Variants in CCNI observed in about 807,000 individuals in gnomAD.
The protein encoded by CCNI is cyclin-I.
Under a neutral mutation model 34.1 loss-of-function variants are expected in CCNI, and 14 were observed. The observed-to-expected ratio is 0.41, with a 90% CI of 0.27 to 0.64. The LOEUF (loss-of-function observed/expected upper bound fraction) is 0.64. Ranked by LOEUF, CCNI falls within the 30% of genes least tolerant of loss-of-function variation. The probability of loss-of-function intolerance (pLI) is 0.31; values close to 1 mark genes in which losing one functional copy is unlikely to be tolerated. For missense variants in CCNI, 385 were observed against 440.5 expected (o/e 0.87, Z 1.13); for synonymous variants, 154 against 158.4 (o/e 0.97, Z 0.21).
intron 1 of CCNI, among the ~76,000 whole-genome samples, chr4:77,068,664 G>A (rs1038253860): frequency 7.3e-5 from 11 of 151,626 alleles, no homozygotes; most frequent in African/African-American, 2.4e-4. Context: ...CTATGTATCT[G>A]TATTACACAC....
chr4:77,071,980 T>C (rs138609193), intron 1 of CCNI, among the ~76,000 whole-genome samples: 2 of 152,294 alleles, frequency 1.3e-5, no homozygotes, highest in African/African-American at 2.4e-5. Flanking sequence ...GAAAAACTAA[T>C]AGCAATCTTT....
In CCNI at chr4:77,047,658, G is replaced by T. The variant is rs1195540574; in HGVS notation, c.*561C>A. 2 of 152,108 alleles carry T rather than the reference G, an allele frequency of 1.3e-5. No individual in the cohort carries two copies. The highest frequency in any genetic ancestry group is 4.8e-5 in the African/African-American group (2 of 41,420). The allele number at this position is 152,108 out of a possible 1,614,324, so 9.4% of individuals were successfully genotyped here. On this transcript the variant is annotated 3_prime_UTR_variant, in exon 7 of 7. Coordinates refer to ENST00000237654, the MANE Select transcript of CCNI (RefSeq NM_006835.3). ...ACACAAAATCAACCTGGTAATATGA[G>T]AACTTTTTCTTTTGCCATCTCTGAT...
At chr4:77,058,684 C>G in intron 2 of CCNI, 49 bp from the exon 3 acceptor site, 1 of 1,543,956 alleles carries the variant, frequency 6.5e-7, no homozygotes, top group Non-Finnish European at 8.9e-7. Context: ...GAGCTATCAT[C>G]AAGAGTATGT....
At chr4:77,074,195 A>G (rs1729719564) in intron 1 of CCNI, among the ~76,000 whole-genome samples, 1 of 152,210 alleles carries the variant, frequency 6.6e-6, no homozygotes, top group Admixed American at 6.5e-5. Context: ...AGGATGTCAC[A>G]TTACCACATA....
At chr4:77,061,637 C>T (rs2059795195) in intron 2 of CCNI, among the ~76,000 whole-genome samples, 1 of 152,132 alleles carries the variant, frequency 6.6e-6, no homozygotes, top group South Asian at 2.1e-4. Flanking sequence ...GCATGGCATA[C>T]AAATCTATGA....
chr4:77,065,655 G>A (rs1289399867), intron 2 of CCNI, among the ~76,000 whole-genome samples: 1 of 152,156 alleles, frequency 6.6e-6, no homozygotes, highest in African/African-American at 2.4e-5. Context: ...TCTAAAGAAG[G>A]TTACTACTGT....
intron 6 of CCNI, among the ~76,000 whole-genome samples, chr4:77,051,180 A>G (rs1454115677): frequency 6.6e-6 from 1 of 152,212 alleles, no homozygotes; most frequent in Non-Finnish European, 1.5e-5. Context: ...TTCTTCCTGA[A>G]TATTTTCAAT....
Position 77,075,503 on chromosome 4 carries a change from C to G in CCNI, c.-75G>C. The G allele has an allele frequency of 2.0e-6, 2 of 987,180 alleles. No individual in the cohort carries two copies. Among genetic ancestry groups the G allele is most frequent in the South Asian group, 4.6e-5 (1 of 21,514 alleles). 61.2% of individuals were successfully genotyped at this position (987,180 alleles called of 1,614,324 possible). A position where few individuals can be genotyped will look rare whatever the true frequency, so the allele number is the denominator to read the frequency against. On this transcript the variant is annotated 5_prime_UTR_variant, in exon 1 of 7. Transcript: ENST00000237654. ...CTCCTCTTCCTCCTCCTCCTCCTCC[C>G]CGGCAGAGCTGTAGGCCTCACAGTG...
chr4:77,068,429 C>A (rs1729211465), intron 1 of CCNI, among the ~76,000 whole-genome samples: 1 of 152,126 alleles, frequency 6.6e-6, no homozygotes, highest in African/African-American at 2.4e-5. Context: ...CTTTACATTT[C>A]ATAGTAGGAA....
At chr4:77,058,754 G>A (rs1176146087) in intron 2 of CCNI, 119 bp from the exon 3 acceptor site, 10 of 792,054 alleles carry the variant, frequency 1.3e-5, no homozygotes, top group South Asian at 4.0e-5. Context: ...AAAATGTTAA[G>A]GTTATTCAAA....
Position 77,075,636 on chromosome 4 carries a change from G to C in CCNI, c.-208C>G, listed in dbSNP as rs1372163356. ...ACTGAGGAGGGAGAAAGGGGAAGCG[G>C]ATCGGGGGGCGCGGGCGCGGGCGCT... On this transcript the variant is annotated 5_prime_UTR_variant, in exon 1 of 7. The change creates a new upstream start codon in the 5' untranslated region. Transcript: ENST00000237654. The C allele has an allele frequency of 2.2e-6, 2 of 922,658 alleles. No individual in the cohort carries two copies. Among genetic ancestry groups the C allele is most frequent in the Non-Finnish European group, 2.6e-6 (2 of 773,968 alleles). The allele number at this position is 922,658 out of a possible 1,614,324, so 57.2% of individuals were successfully genotyped here. A position where few individuals can be genotyped will look rare whatever the true frequency, so the allele number is the denominator to read the frequency against.
intron 1 of CCNI, among the ~76,000 whole-genome samples, chr4:77,068,291 G>A (rs1729199887): frequency 6.6e-6 from 1 of 152,132 alleles, no homozygotes; most frequent in Non-Finnish European, 1.5e-5. Context: ...AGAAAGTAAT[G>A]TATCACAATA....
intron 2 of CCNI, among the ~76,000 whole-genome samples, chr4:77,065,961 C>T (rs553077394): frequency 9.9e-5 from 15 of 152,234 alleles, no homozygotes; most frequent in Non-Finnish European, 2.1e-4. Flanking sequence ...ATTAGCCAGG[C>T]ATGGTAGCAT....
intron 1 of CCNI, among the ~76,000 whole-genome samples, chr4:77,072,296 C>T (rs922185266): frequency 2.0e-5 from 3 of 151,292 alleles, no homozygotes; most frequent in Non-Finnish European, 4.4e-5. Context: ...AAAAGTAAAA[C>T]GAGGTAAAAT....
At chr4:77,048,715 G>A in intron 6 of CCNI, 53 bp from the exon 7 acceptor site, 1 of 1,369,498 alleles carries the variant, frequency 7.3e-7, no homozygotes, top group Non-Finnish European at 9.8e-7. Flanking sequence ...ATTAACATAG[G>A]CTGCTCTGTT....
At chr4:77,055,109 AAAACTT>A in intron 6 of CCNI, 35 bp downstream of exon 6, 1 of 1,373,202 alleles carries the variant, frequency 7.3e-7, no homozygotes, top group Non-Finnish European at 1.0e-6. Flanking sequence ...CAATAATAGA[AAAACTT>A]AAAAAGAACA....
In CCNI at chr4:77,075,464, C is replaced by CCCCCGA. The variant is rs1215357540; in HGVS notation, c.-44+7_-44+8insTCGGGG. The CCCCCGA allele has an allele frequency of 1.5e-6, 1 of 658,272 alleles. No individual in the cohort carries two copies. The highest frequency in any genetic ancestry group is 2.0e-5 in the African/African-American group (1 of 50,134). 40.8% of individuals were successfully genotyped at this position (658,272 alleles called of 1,614,324 possible). A position where few individuals can be genotyped will look rare whatever the true frequency, so the allele number is the denominator to read the frequency against. On this transcript the variant is annotated splice_region_variant and intron_variant, in intron 1 of 6. Coordinates refer to ENST00000237654, the MANE Select transcript of CCNI (RefSeq NM_006835.3). ...CGTCGAGCCCCCGCCCCCGCCCCCG[C>CCCCCGA]CCCTCACCTTCTCCTCCTCTTCCTC...
chr4:77,053,690 T>G (rs1292904368), intron 6 of CCNI, among the ~76,000 whole-genome samples: 1 of 152,214 alleles, frequency 6.6e-6, no homozygotes, highest in Non-Finnish European at 1.5e-5. Context: ...TTTAGAGAGA[T>G]GTCATTTGTT....
intron 4 of CCNI, 67 bp from the exon 5 acceptor site, chr4:77,056,169 T>G: frequency 6.3e-7 from 1 of 1,599,512 alleles, no homozygotes. Flanking sequence ...TTATGATTTT[T>G]GTTTTAGCAA....
Sources: allele counts gnomAD v4.1 joint callset (sites outside exome capture counted in the v4.1 genomes callset), GRCh38; gene constraint gnomAD v4.1.1; transcripts MANE v1.5; gene names NCBI Gene and HGNC (gene_info 2026-07-23, HGNC 2026-07-21).